The following TCF7L1 variants were observed in gnomAD, a reference collection of about 807,000 sequenced individuals.
TCF7L1 encodes the protein transcription factor 7-like 1.
A neutral mutation model predicts 63.7 loss-of-function variants in TCF7L1; 18 were observed. The ratio of observed to expected loss-of-function variants is 0.28; its 90% CI spans 0.20 to 0.42. TCF7L1 has a LOEUF of 0.42. Ranked by LOEUF, TCF7L1 falls within the 10% of genes least tolerant of loss-of-function variation. The pLI is 1.00. For missense variants in TCF7L1, 654 were observed against 779.3 expected, an observed-to-expected ratio of 0.84 and a Z score of 1.91; for synonymous variants, 355 against 340.9, an observed-to-expected ratio of 1.04 and a Z score of -0.46.
intron 3 of TCF7L1, among the ~76,000 whole-genome samples, chr2:85,220,351 C>T (rs564718719): frequency 1.3e-5 from 2 of 151,252 alleles, no homozygotes; most frequent in African/African-American, 4.8e-5. Flanking sequence ...ACTTTCTGTA[C>T]TTAAAAAAAA....
chr2:85,151,647 A>G (rs1678018759), intron 3 of TCF7L1, among the ~76,000 whole-genome samples: 2 of 152,208 alleles, frequency 1.3e-5, no homozygotes, highest in African/African-American at 4.8e-5. Flanking sequence ...GTTACCTCAG[A>G]TCAGAGGTCA....
intron 4 of TCF7L1, among the ~76,000 whole-genome samples, chr2:85,297,880 T>C (rs940119983): frequency 2.0e-5 from 3 of 152,084 alleles, no homozygotes; most frequent in Non-Finnish European, 2.9e-5. Flanking sequence ...CTTTTCTACT[T>C]TCTCTTAGTT....
intron 3 of TCF7L1, among the ~76,000 whole-genome samples, chr2:85,143,735 C>T (rs1677800146): frequency 6.6e-6 from 1 of 152,242 alleles, no homozygotes; most frequent in Non-Finnish European, 1.5e-5. Context: ...CAGAGAAGGG[C>T]AGCTGACCTT....
At chr2:85,244,221 G>A (rs1680408140) in intron 3 of TCF7L1, among the ~76,000 whole-genome samples, 2 of 152,134 alleles carry the variant, frequency 1.3e-5, no homozygotes, top group African/African-American at 4.8e-5. Context: ...GGGGACAGGG[G>A]GCTGGTCACA....
chr2:85,171,253 C>T (rs777138584), intron 3 of TCF7L1, among the ~76,000 whole-genome samples: 15 of 152,184 alleles, frequency 9.9e-5, no homozygotes, highest in East Asian at 1.9e-4. Context: ...TACCTCCCAC[C>T]GGGTCCCTTC....
Position 85,288,219 on chromosome 2 carries a change from G to A in TCF7L1, c.525+4641G>A, listed in dbSNP as rs1447712084. Among the ~76,000 whole-genome samples, 3 of 152,320 alleles carry A rather than the reference G, an allele frequency of 2.0e-5. 1 individual carries two copies. The highest frequency in any genetic ancestry group is 4.1e-4 in the South Asian group (2 of 4,828). On this transcript the variant is annotated intron_variant, in intron 4 of 11. Coordinates refer to ENST00000282111, the MANE Select transcript of TCF7L1 (RefSeq NM_031283.3). Reference sequence around the variant, plus strand: ...AGATTGCAGAGGTAACAGAGATAATGAGCCTATAGAATTTAGCATCTAATC... The same window carrying A: ...AGATTGCAGAGGTAACAGAGATAATAAGCCTATAGAATTTAGCATCTAATC...
chr2:85,309,560 C>A lies in TCF7L1; in HGVS notation c.*98C>A. 1 of 1,282,220 alleles carries A rather than the reference C, an allele frequency of 7.8e-7. No individual in the cohort carries two copies. Among genetic ancestry groups the A allele is most frequent in the Non-Finnish European group, 1.1e-6 (1 of 950,412 alleles). 79.4% of individuals were successfully genotyped at this position (1,282,220 alleles called of 1,614,324 possible). A position where few individuals can be genotyped will look rare whatever the true frequency, so the allele number is the denominator to read the frequency against. On this transcript the variant is annotated 3_prime_UTR_variant, in exon 12 of 12. Transcript: ENST00000282111. The stretch of plus-strand genomic sequence containing the variant: ...GACTTTATTGGTCAATATTTGACCA[C>A]TCTGGACTGTTCTGTAAAGTGGCTG...
intron 3 of TCF7L1, among the ~76,000 whole-genome samples, chr2:85,194,928 C>T (rs558629467): frequency 6.6e-6 from 1 of 152,288 alleles, no homozygotes; most frequent in Admixed American, 6.5e-5. Context: ...GTCCTTATTG[C>T]AAAAGGTTCA....
At chr2:85,178,391 G>A (rs1234129362) in intron 3 of TCF7L1, among the ~76,000 whole-genome samples, 2 of 152,068 alleles carry the variant, frequency 1.3e-5, no homozygotes, top group Non-Finnish European at 2.9e-5. Context: ...AGTCATACAT[G>A]GTTCATGTGT....
At chr2:85,229,794 G>A (rs1422869281) in intron 3 of TCF7L1, among the ~76,000 whole-genome samples, 1 of 152,196 alleles carries the variant, frequency 6.6e-6, no homozygotes, top group East Asian at 1.9e-4. Context: ...GATCACTTGA[G>A]CTCAGGAGTT....
chr2:85,220,039 A>G (rs950848405), intron 3 of TCF7L1, among the ~76,000 whole-genome samples: 1 of 152,238 alleles, frequency 6.6e-6, no homozygotes, highest in Admixed American at 6.5e-5. Flanking sequence ...TACTTTTCCT[A>G]TAACTTTCCT....
chr2:85,283,482 G>A lies in TCF7L1; in HGVS notation c.442-13G>A. 6.2e-7 allele frequency: 1 copy of A among 1,614,000 alleles called. No homozygotes were observed. Among genetic ancestry groups the A allele is most frequent in the African/African-American group, 1.3e-5 (1 of 74,982 alleles). Reference sequence around the variant, plus strand: ...TCTCACCAACAGCTTTTTCTTTTCTGTTCCCTGTGCAGTACCTGCAGATGA... The same window carrying A: ...TCTCACCAACAGCTTTTTCTTTTCTATTCCCTGTGCAGTACCTGCAGATGA... On this transcript the variant is annotated splice_polypyrimidine_tract_variant and intron_variant, in intron 3 of 11. Transcript: ENST00000282111.
At chr2:85,269,981 C>T (rs55637419) in intron 3 of TCF7L1, among the ~76,000 whole-genome samples, 7,888 of 152,230 alleles carry the variant, frequency 0.052, 283 homozygotes, top group Non-Finnish European at 0.078. Context: ...TGGAACTGCC[C>T]GTCTATGGAG....
chr2:85,161,038 G>A (rs1574084295), intron 3 of TCF7L1, among the ~76,000 whole-genome samples: 2 of 152,156 alleles, frequency 1.3e-5, no homozygotes, highest in African/African-American at 4.8e-5. Context: ...TTAGTGGGCC[G>A]ACTTCTGGGA....
chr2:85,270,093 T>A (rs890872846), intron 3 of TCF7L1, among the ~76,000 whole-genome samples: 16 of 152,224 alleles, frequency 1.1e-4, no homozygotes, highest in Non-Finnish European at 1.5e-5. Flanking sequence ...TAAGAGACCC[T>A]TGAAGCTCTG....
intron 3 of TCF7L1, among the ~76,000 whole-genome samples, chr2:85,187,888 A>T (rs143034655): frequency 4.6e-5 from 7 of 152,326 alleles, no homozygotes; most frequent in Non-Finnish European, 1.0e-4. Context: ...AACTATCCAG[A>T]TGTTCTTCAG....
At chr2:85,245,473 C>G (rs1272575471) in intron 3 of TCF7L1, among the ~76,000 whole-genome samples, 1 of 152,124 alleles carries the variant, frequency 6.6e-6, no homozygotes, top group Non-Finnish European at 1.5e-5. Flanking sequence ...GACCTGGAAC[C>G]ATGTGGCTCA....
At chr2:85,268,042 G>GT (rs1014932328) in intron 3 of TCF7L1, among the ~76,000 whole-genome samples, 5 of 152,274 alleles carry the variant, frequency 3.3e-5, no homozygotes, top group African/African-American at 1.2e-4. Context: ...GTTTTTGTTT[G>GT]TTTTTTAATA....
Position 85,133,826 on chromosome 2 carries a change from G to A in TCF7L1, c.142G>A (p.Glu48Lys), listed in dbSNP as rs553066847. 1.3e-6 allele frequency: 2 copies of A among 1,491,978 alleles called. No homozygotes were observed. The highest frequency in any genetic ancestry group is 2.3e-5 in the Admixed American group (1 of 43,690). 92.4% of individuals were successfully genotyped at this position (1,491,978 alleles called of 1,614,324 possible). A position where few individuals can be genotyped will look rare whatever the true frequency, so the allele number is the denominator to read the frequency against. ...CCCCTTCCAGGACGAGGGGGGCGAG[G>A]AGCAGGAGCCGAGCAGCGATAGCGC... ...LIPFQDEGGEEQEPSSDSASA... is the reference protein window; with the variant it reads ...LIPFQDEGGEKQEPSSDSASA... Residue 48 changes from glutamate (E) to lysine (K), a missense_variant, in exon 1 of 12, where the codon GAG becomes AAG. Physicochemically the swap from Glu to Lys is moderately conservative, Grantham distance 56 (BLOSUM62 1). Coordinates refer to ENST00000282111, the MANE Select transcript of TCF7L1 (RefSeq NM_031283.3). The surrounding 1 kb of genome is among the most constrained non-coding windows in gnomAD (Gnocchi z 4.4).
Sources: allele counts gnomAD v4.1 joint callset (sites outside exome capture counted in the v4.1 genomes callset), GRCh38; gene constraint gnomAD v4.1.1; non-coding constraint Gnocchi (gnomAD v3.1); transcripts MANE v1.5; gene names NCBI Gene and HGNC (gene_info 2026-07-23, HGNC 2026-07-21).